DOP1B: variants seen among roughly 807,000 people sequenced by gnomAD.
DOP1B encodes the protein protein DOP1B.
Under a neutral mutation model 233.5 loss-of-function variants are expected in DOP1B, and 174 were observed. The ratio of observed to expected loss-of-function variants is 0.75; its 90% CI spans 0.66 to 0.85. The LOEUF (loss-of-function observed/expected upper bound fraction) is 0.85, where lower values mean the gene tolerates loss of function less well. Among genes scored for constraint, DOP1B ranks in the 40% least tolerant of loss-of-function variants. The pLI is 0.00. For synonymous variants in DOP1B, 1,190 were observed against 1,185.6 expected, an observed-to-expected ratio of 1.00 and a Z score of -0.08; for missense variants, 2,652 against 2,846.6, an observed-to-expected ratio of 0.93 and a Z score of 1.56.
intron 23 of DOP1B, among the ~76,000 whole-genome samples, chr21:36,256,759 A>G (rs1372750976): frequency 6.8e-6 from 1 of 146,360 alleles, no homozygotes; most frequent in Non-Finnish European, 1.5e-5. Flanking sequence ...ACAGTTCTAT[A>G]TCTGGAAAAA....
At chr21:36,225,468 C>T in intron 11 of DOP1B, 97 bp from the exon 12 acceptor site, 1 of 1,332,968 alleles carries the variant, frequency 7.5e-7, no homozygotes, top group Non-Finnish European at 1.1e-6. Context: ...TGAGCTCAGA[C>T]AGTCCACCCA....
At chr21:36,275,302 A>G (rs960287526) in intron 27 of DOP1B, among the ~76,000 whole-genome samples, 1 of 152,190 alleles carries the variant, frequency 6.6e-6, no homozygotes, top group South Asian at 2.1e-4. Flanking sequence ...AATTATTGTT[A>G]TTTGATAGGA....
chr21:36,223,181 A>AT, intron 10 of DOP1B, 50 bp from the exon 11 acceptor site: 1 of 1,529,016 alleles, frequency 6.5e-7, no homozygotes, highest in Non-Finnish European at 8.7e-7. Flanking sequence ...ACTTTTTGTA[A>AT]TTCAGGATTT....
At chr21:36,224,638 T>A (rs751280376) in intron 11 of DOP1B, among the ~76,000 whole-genome samples, 29 of 151,742 alleles carry the variant, frequency 1.9e-4, no homozygotes, top group Admixed American at 1.1e-3. Flanking sequence ...CTGTTGCCTG[T>A]GGATCCTATT....
At chr21:36,267,567 C>G (rs1041435) in intron 26 of DOP1B, among the ~76,000 whole-genome samples, 8,905 of 150,220 alleles carry the variant, frequency 0.059, 576 homozygotes, top group East Asian at 0.33. Flanking sequence ...ACCTGTAGTC[C>G]CAGCTACCTG....
At position 36,245,835 on chromosome 21, in the gene DOP1B, C is replaced by G; in HGVS notation, c.3855C>G (p.His1285Gln). The G allele has an allele frequency of 6.2e-7, 1 of 1,613,956 alleles. No individual in the cohort carries two copies. The highest frequency in any genetic ancestry group is 8.5e-7 in the Non-Finnish European group (1 of 1,180,022). The change falls in exon 19 of 37, where the codon CAC (histidine) becomes CAG (glutamine). Residue 1285 changes from histidine (H) to glutamine (Q), a missense_variant. His to Gln is a conservative substitution (Grantham distance 24). Around this residue, in one of 3 missense-constraint regions of DOP1B, gnomAD observed 2,617 missense variants for 2,794.3 expected, o/e 0.94. Coordinates refer to ENST00000691173, the MANE Select transcript of DOP1B (RefSeq NM_001320714.2). This position sits in a 1 kb window ranked among gnomAD's most constrained non-coding sequence, Gnocchi z 5.5. ...TCATCTCCAACCTCCTCGCTCGCCA[C>G]CAGGAGGCCCTCATTGGCCAGAGTT... is the stretch of plus-strand genomic sequence containing the variant. ...LNLISNLLAR[H>Q]QEALIGQSFY...
In DOP1B at chr21:36,225,583, C is replaced by A; in HGVS notation, c.1389C>A (p.Tyr463Ter). 6.2e-7 allele frequency: 1 copy of A among 1,614,102 alleles called. No individual in the cohort carries two copies. The highest frequency in any genetic ancestry group is 2.2e-5 in the East Asian group (1 of 44,876). ...TTTATAGACCAGTGAAGCAGCGTTACAGCGTGAGGAACAGCGTCAGCCCTC... is the reference window on the plus strand; with the variant it reads ...TTTATAGACCAGTGAAGCAGCGTTAAAGCGTGAGGAACAGCGTCAGCCCTC... ...EECFRPVKQR[Y>*]SVRNSVSPPP... The change falls in exon 12 of 37, where the codon TAC becomes TAA. Residue 463 changes from tyrosine to a stop codon, truncating the protein, a stop_gained. Coordinates refer to ENST00000691173, the MANE Select transcript of DOP1B (RefSeq NM_001320714.2). LOFTEE classifies it high-confidence loss of function.
chr21:36,194,995 C>T (rs2066273179), intron 2 of DOP1B, among the ~76,000 whole-genome samples: 1 of 151,946 alleles, frequency 6.6e-6, no homozygotes, highest in African/African-American at 2.4e-5. Flanking sequence ...CAATTGAGCC[C>T]AGGGGTTCGA....
chr21:36,266,682 C>T (rs189162224), intron 26 of DOP1B, among the ~76,000 whole-genome samples: 41 of 152,308 alleles, frequency 2.7e-4, no homozygotes, highest in Admixed American at 2.2e-3. Flanking sequence ...GATTAAATCA[C>T]TGGTCATTGG....
chr21:36,281,879 T>A (rs757496158), intron 32 of DOP1B, among the ~76,000 whole-genome samples: 17 of 152,154 alleles, frequency 1.1e-4, no homozygotes, highest in Non-Finnish European at 4.4e-5. Context: ...AAGGCCCCAC[T>A]TCCCGATAAC....
intron 2 of DOP1B, among the ~76,000 whole-genome samples, chr21:36,171,892 G>A (rs143483410): frequency 1.0e-3 from 157 of 152,326 alleles, no homozygotes; most frequent in Non-Finnish European, 1.8e-3. Flanking sequence ...AAGAAATGAC[G>A]CTTTCTTGGC....
intron 23 of DOP1B, among the ~76,000 whole-genome samples, chr21:36,259,375 A>T (rs2067144448): frequency 6.6e-6 from 1 of 151,678 alleles, no homozygotes; most frequent in South Asian, 2.1e-4. Context: ...GGTTCAAGCA[A>T]TTGTCCTGCC....
intron 4 of DOP1B, among the ~76,000 whole-genome samples, chr21:36,205,802 C>G (rs188680987): frequency 2.2e-3 from 338 of 151,688 alleles, no homozygotes; most frequent in Non-Finnish European, 4.1e-3. Flanking sequence ...CTCAGGTGTT[C>G]AAGACCAGCT....
chr21:36,253,235 G>T (rs1002383911), intron 22 of DOP1B, among the ~76,000 whole-genome samples: 3 of 152,102 alleles, frequency 2.0e-5, no homozygotes, highest in East Asian at 1.9e-4. Flanking sequence ...TCGTATTTTT[G>T]ATTCCATCTC....
Position 36,212,074 on chromosome 21 carries a change from G to A in DOP1B, c.881G>A (p.Arg294Lys). 1 of 1,612,708 alleles carries A rather than the reference G, an allele frequency of 6.2e-7. No individual in the cohort carries two copies. Among genetic ancestry groups the A allele is most frequent in the Non-Finnish European group, 8.5e-7 (1 of 1,179,598 alleles). ...TLLRRDMSLN[R>K]RLYAWLLGSD... is the part of the protein sequence containing the mutation. ...CTGAGAAGGGACATGTCCCTGAACA[G>A]AAGACTGTATGCATGGTTACTAGGT... The change falls in exon 7 of 37, where the codon AGA (arginine) becomes AAA (lysine). Residue 294 changes from arginine (R) to lysine (K), a missense_variant. By Grantham distance (26) the Arg-to-Lys change is conservative. This residue lies in a region of DOP1B where 2,617 missense variants were observed against 2,794.3 expected (regional missense o/e 0.94). Coordinates refer to ENST00000691173, the MANE Select transcript of DOP1B (RefSeq NM_001320714.2).
rs754707485 is a variant in DOP1B, at chr21:36,231,037, C to A, written c.2253C>A (p.Ala751=). The change falls in exon 14 of 37, where the codon GCC becomes GCA. Residue 751 remains alanine (A), a synonymous_variant. Coordinates refer to ENST00000691173, the MANE Select transcript of DOP1B (RefSeq NM_001320714.2). ...GGGAGGAACGCAGGGAGGCCTTTGC[C>A]GCCGCCTGCCACCTGCTGCTGGATT... is the stretch of plus-strand genomic sequence containing the variant. ...GSREERREAF[A]AACHLLLDCA... 6.2e-7 allele frequency: 1 copy of A among 1,614,094 alleles called. No homozygotes were observed. The highest frequency in any genetic ancestry group is 8.5e-7 in the Non-Finnish European group (1 of 1,180,036).
intron 2 of DOP1B, among the ~76,000 whole-genome samples, chr21:36,195,811 G>A (rs112640360): frequency 6.6e-6 from 1 of 152,350 alleles, no homozygotes; most frequent in Non-Finnish European, 1.5e-5. Flanking sequence ...TCAAATCATG[G>A]TGACTTTTAC....
intron 2 of DOP1B, among the ~76,000 whole-genome samples, chr21:36,165,615 G>T (rs2065902962): frequency 6.6e-6 from 1 of 152,112 alleles, no homozygotes; most frequent in Admixed American, 6.6e-5. Flanking sequence ...CTTGGGCTCT[G>T]CCTCCTGTCA....
chr21:36,176,064 C>T (rs1005983298), intron 2 of DOP1B, among the ~76,000 whole-genome samples: 1 of 73,270 alleles, frequency 1.4e-5, no homozygotes, highest in African/African-American at 4.9e-5. Context: ...ATCCAGGAGC[C>T]CAGTGAGGAG....
Sources: allele counts gnomAD v4.1 joint callset (sites outside exome capture counted in the v4.1 genomes callset), GRCh38; gene constraint gnomAD v4.1.1; regional missense constraint gnomAD v4.1.1; non-coding constraint Gnocchi (gnomAD v3.1); transcripts MANE v1.5; gene names NCBI Gene and HGNC (gene_info 2026-07-23, HGNC 2026-07-21).